C6: variants seen among roughly 807,000 people sequenced by gnomAD.
C6 encodes the protein complement C6, also known as complement component C6.
C6 carries 101 observed loss-of-function variants against 112.9 expected under a neutral mutation model. That is an observed-to-expected ratio of 0.89 (90% CI 0.76 to 1.06). The LOEUF is 1.06. Ranked by LOEUF, C6 falls within the 50% of genes least tolerant of loss-of-function variation. C6 has a pLI of 0.00. For synonymous variants in C6, 431 were observed against 384.1 expected (o/e 1.12, Z -1.43); for missense variants, 1,202 against 1,104.6 (o/e 1.09, Z -1.25).
At chr5:41,226,651 G>T (rs1739524304) in intron 1 of C6, among the ~76,000 whole-genome samples, 1 of 152,062 alleles carries the variant, frequency 6.6e-6, no homozygotes, top group Admixed American at 6.6e-5. Context: ...CATTCTAGTT[G>T]CTGCTTCTGC....
In C6 at chr5:41,203,133, G is replaced by T; in HGVS notation, c.98C>A (p.Thr33Asn). The change falls in exon 2 of 18, where the codon ACC becomes AAC. Residue 33 changes from threonine (T) to asparagine (N), a missense_variant. Thr to Asn is a moderately conservative substitution (Grantham distance 65). Transcript: ENST00000337836. ...AGAATTGCAAGTTTTTGAGCAGCTG[G>T]TCCACTGAGTCCATGCATAGTGATC... The part of the protein sequence containing the change: ...FCDHYAWTQW[T>N]SCSKTCNSGT... The T allele has an allele frequency of 6.2e-7, 1 of 1,614,084 alleles. No homozygotes were observed. Among genetic ancestry groups the T allele is most frequent in the Non-Finnish European group, 8.5e-7 (1 of 1,179,974 alleles).
At chr5:41,250,470 T>A (rs548448658) in intron 1 of C6, among the ~76,000 whole-genome samples, 17 of 152,130 alleles carry the variant, frequency 1.1e-4, no homozygotes, top group Non-Finnish European at 2.1e-4. Flanking sequence ...ATGAAAAAAA[T>A]GAAAGTTATT....
chr5:41,210,405 G>T (rs1454554621), intron 1 of C6, among the ~76,000 whole-genome samples: 3 of 152,162 alleles, frequency 2.0e-5, no homozygotes, highest in Non-Finnish European at 4.4e-5. Flanking sequence ...CTCAGCCAAA[G>T]AAACTACCAT....
At chr5:41,173,252 G>A (rs1748578819) in intron 8 of C6, among the ~76,000 whole-genome samples, 2 of 152,120 alleles carry the variant, frequency 1.3e-5, no homozygotes. Context: ...AATACCTTTA[G>A]TCCTCATTAT....
At chr5:41,229,475 T>C (rs112447548) in intron 1 of C6, among the ~76,000 whole-genome samples, 192 of 152,260 alleles carry the variant, frequency 1.3e-3, no homozygotes, top group African/African-American at 4.2e-3. Context: ...CACATATTTA[T>C]AAATTTTCAA....
At chr5:41,150,324 T>A (rs72753967) in intron 15 of C6, among the ~76,000 whole-genome samples, 6,402 of 152,330 alleles carry the variant, frequency 0.042, 194 homozygotes, top group Middle Eastern at 0.13. Context: ...GTATACATGA[T>A]ATTCTCATCA....
intron 1 of C6, among the ~76,000 whole-genome samples, chr5:41,227,315 A>G (rs1162043215): frequency 1.3e-5 from 2 of 150,720 alleles, no homozygotes; most frequent in Non-Finnish European, 3.0e-5. Context: ...TTTTCTAGCT[A>G]TTGGATTGTT....
intron 4 of C6, among the ~76,000 whole-genome samples, 163 bp downstream of exon 4, chr5:41,199,604 CA>C (rs1750855752): frequency 6.6e-6 from 1 of 152,188 alleles, no homozygotes; most frequent in Non-Finnish European, 1.5e-5. Context: ...CATAATTTTA[CA>C]GTGGAATATC....
chr5:41,173,682 G>A (rs1328985688), intron 8 of C6, among the ~76,000 whole-genome samples: 3 of 152,132 alleles, frequency 2.0e-5, no homozygotes, highest in African/African-American at 7.2e-5. Context: ...AGAGCTTGAG[G>A]TTCTGATTAG....
At position 41,181,387 on chromosome 5, in the gene C6, T is replaced by C. The variant is rs1470265123; in HGVS notation, c.899A>G (p.Lys300Arg). Residue 300 changes from lysine (K) to arginine (R), a missense_variant, in exon 7 of 18, where the codon AAA becomes AGA. By Grantham distance (26) the Lys-to-Arg change is conservative. Coordinates refer to ENST00000337836, the MANE Select transcript of C6 (RefSeq NM_000065.5). The part of the protein sequence containing the change: ...SENINHNSAF[K>R]QAIQASHKKD... ...TTTGTGAGAGGCTTGAATGGCTTGT[T>C]TGAAGGCAGAATTATGGTTGATATT... 1 of 1,613,724 alleles carries C rather than the reference T, an allele frequency of 6.2e-7. No homozygotes were observed. The highest frequency in any genetic ancestry group is 2.2e-5 in the East Asian group (1 of 44,800).
chr5:41,176,774 G>C lies in C6; in HGVS notation c.928-59C>G, dbSNP rs190011238. The C allele has an allele frequency of 4.3e-5, 62 of 1,431,466 alleles. No individual in the cohort carries two copies. In the Admixed American group the frequency reaches 6.6e-4, roughly 15 times the overall value. The allele number at this position is 1,431,466 out of a possible 1,614,324, so 88.7% of individuals were successfully genotyped here. On this transcript the variant is annotated intron_variant, in intron 7 of 17. Transcript: ENST00000337836. ...AGGTAATGAAAGTTTGAAGTACCTAGCATTTAAATGTCATTGATTTATCAT... is the reference window on the plus strand; with the variant it reads ...AGGTAATGAAAGTTTGAAGTACCTACCATTTAAATGTCATTGATTTATCAT...
chr5:41,234,211 T>A (rs902518259), intron 1 of C6, among the ~76,000 whole-genome samples: 1 of 152,086 alleles, frequency 6.6e-6, no homozygotes, highest in South Asian at 2.1e-4. Flanking sequence ...TTGCAATGTA[T>A]CAATATCAAT....
rs1316647546 is a variant in C6, at chr5:41,195,872, A to G, written c.507T>C (p.Asp169=). 2 of 1,614,036 alleles carry G rather than the reference A, an allele frequency of 1.2e-6. No individual in the cohort carries two copies. The highest frequency in any genetic ancestry group is 1.7e-6 in the Non-Finnish European group (2 of 1,179,946). The part of the protein sequence containing the change: ...NGENDCGDNS[D]ERDCGRTKAV... ...CCTTTGTCCTCCCACAGTCCCTTTC[A>G]TCTGAATTGTCTCCACAGTCATTTT... Residue 169 remains aspartate (D), a synonymous_variant, in exon 5 of 18, where the codon GAT becomes GAC. Coordinates refer to ENST00000337836, the MANE Select transcript of C6 (RefSeq NM_000065.5).
chr5:41,142,816 G>A lies in C6; in HGVS notation c.*9C>T. The A allele has an allele frequency of 2.5e-6, 4 of 1,601,220 alleles. No homozygotes were observed. Among genetic ancestry groups the A allele is most frequent in the South Asian group, 1.1e-5 (1 of 90,822 alleles). On this transcript the variant is annotated 3_prime_UTR_variant, in exon 18 of 18. Transcript: ENST00000337836. ...TCTGTTCATTGTGCTGGGCCTAGCA[G>A]TAATTGTGCTAGGCCAAACACTTTC...
Position 41,199,779 on chromosome 5 carries a change from C to A in C6, c.434G>T (p.Arg145Leu), listed in dbSNP as rs757730138. 1 of 1,613,574 alleles carries A rather than the reference C, an allele frequency of 6.2e-7. No individual in the cohort carries two copies. The highest frequency in any genetic ancestry group is 8.5e-7 in the Non-Finnish European group (1 of 1,179,644). Residue 145 changes from arginine to leucine, a missense_variant, in exon 4 of 18, where the codon CGC becomes CTC. By Grantham distance (102) the Arg-to-Leu change is moderately radical. Transcript: ENST00000337836. ...IEEADCKNKF[R>L]CDSGRCIARK... ...CAAAAATACATTACCACTGTCACAG[C>A]GAAATTTATTCTTGCAGTCAGCCTC...
Position 41,242,650 on chromosome 5 carries a change from A to G in C6, c.-21+18544T>C, listed in dbSNP as rs975266218. On this transcript the variant is annotated intron_variant, in intron 1 of 17. Transcript: ENST00000263413. ...AACATCTTTATATAAATTATGTTTCATTTCAAAATAAATTTCTAGCCAAAA... is the reference window on the plus strand; with the variant it reads ...AACATCTTTATATAAATTATGTTTCGTTTCAAAATAAATTTCTAGCCAAAA... 2.0e-5 allele frequency among the ~76,000 whole-genome samples: 3 copies of G among 152,272 alleles called. 1 individual carries two copies. In the South Asian group the frequency reaches 6.2e-4, roughly 32 times the overall value.
chr5:41,172,389 AT>A (rs1286021270), intron 8 of C6, 42 bp from the exon 9 acceptor site: 3 of 1,606,902 alleles, frequency 1.9e-6, no homozygotes, highest in Non-Finnish European at 2.6e-6. Flanking sequence ...AGAATGCACC[AT>A]TGACAATTCA....
At chr5:41,218,378 A>G (rs1189128090), upstream of C6, among the ~76,000 whole-genome samples, 1 of 152,152 alleles carries the variant, frequency 6.6e-6, no homozygotes, top group African/African-American at 2.4e-5. Context: ...AGGCACTTGA[A>G]CAGTAAACAA....
At chr5:41,199,984 C>T in intron 3 of C6, 72 bp from the exon 4 acceptor site, 1 of 1,396,682 alleles carries the variant, frequency 7.2e-7, no homozygotes, top group Admixed American at 1.7e-5. Flanking sequence ...GAAAACTGGG[C>T]TCCTCAATCA....
Sources: gnomAD v4.1 joint callset for allele counts (sites outside exome capture counted in the v4.1 genomes callset) on GRCh38, gnomAD v4.1.1 for gene constraint, MANE v1.5 for transcripts, NCBI Gene and HGNC (gene_info 2026-07-23, HGNC 2026-07-21) for gene names.